THADA: variants seen among roughly 807,000 people sequenced by gnomAD.
THADA encodes the protein THADA armadillo repeat containing, also known as tRNA (32-2'-O)-methyltransferase regulator THADA.
Under a neutral mutation model 219.8 loss-of-function variants are expected in THADA, and 213 were observed. The ratio of observed to expected loss-of-function variants is 0.97; its 90% CI spans 0.87 to 1.09. The LOEUF (loss-of-function observed/expected upper bound fraction) is 1.09. Among genes scored for constraint, THADA ranks in the 50% least tolerant of loss-of-function variants. THADA has a pLI of 0.00. For synonymous variants in THADA, 1,018 were observed against 828.9 expected (o/e 1.23, Z -3.92); for missense variants, 2,956 against 2,311.3 (o/e 1.28, Z -5.72).
intron 36 of THADA, among the ~76,000 whole-genome samples, chr2:43,259,445 C>T (rs1670693126): frequency 6.6e-6 from 1 of 152,240 alleles, no homozygotes; most frequent in South Asian, 2.1e-4. Flanking sequence ...CACGTCCTGC[C>T]AGTTCACGCA....
intron 36 of THADA, among the ~76,000 whole-genome samples, chr2:43,269,411 G>C (rs749521038): frequency 7.2e-5 from 11 of 152,230 alleles, no homozygotes; most frequent in Non-Finnish European, 1.5e-4. Context: ...CCAGCAACCA[G>C]GCCCAGCCAG....
At chr2:43,452,647 A>G (rs920355949) in intron 26 of THADA, among the ~76,000 whole-genome samples, 1 of 152,142 alleles carries the variant, frequency 6.6e-6, no homozygotes, top group African/African-American at 2.4e-5. Flanking sequence ...ACTGCTGTCA[A>G]TCAGCCTGGT....
chr2:43,481,171 C>T (rs1176586223), intron 26 of THADA, among the ~76,000 whole-genome samples: 1 of 148,578 alleles, frequency 6.7e-6, no homozygotes, highest in Non-Finnish European at 1.5e-5. Context: ...GATTAGATGC[C>T]CCTTGAAGGA....
intron 8 of THADA, 54 bp from the exon 9 acceptor site, chr2:43,578,661 A>T: frequency 7.4e-7 from 1 of 1,350,236 alleles, no homozygotes; most frequent in Non-Finnish European, 1.0e-6. Flanking sequence ...ATTCTGGTAG[A>T]GTGGAAAGAG....
chr2:43,440,111 A>T (rs1680656833), intron 26 of THADA, among the ~76,000 whole-genome samples: 1 of 152,204 alleles, frequency 6.6e-6, no homozygotes, highest in Admixed American at 6.5e-5. Flanking sequence ...ACTGTGTAAT[A>T]GCATTTCAGC....
intron 22 of THADA, among the ~76,000 whole-genome samples, chr2:43,522,582 G>C (rs1240989742): frequency 2.0e-5 from 3 of 152,094 alleles, no homozygotes; most frequent in Non-Finnish European, 1.5e-5. Context: ...TAAAAAGCTG[G>C]CATAGAGGTT....
At chr2:43,577,340 C>A in intron 9 of THADA, 98 bp from the exon 10 acceptor site, 1 of 992,024 alleles carries the variant, frequency 1.0e-6, no homozygotes, top group Non-Finnish European at 1.5e-6. Context: ...CCTGAAAAAT[C>A]CTAGGAAAAA....
chr2:43,295,218 G>A (rs1009372894), intron 31 of THADA, among the ~76,000 whole-genome samples: 23 of 152,202 alleles, frequency 1.5e-4, no homozygotes, highest in African/African-American at 4.8e-4. Flanking sequence ...TCTCAAAAAC[G>A]CATACAAAGT....
chr2:43,527,027 A>G (rs1693250554), intron 22 of THADA, among the ~76,000 whole-genome samples: 1 of 152,236 alleles, frequency 6.6e-6, no homozygotes, highest in African/African-American at 2.4e-5. Context: ...AGTATCATTT[A>G]AAGACATTCT....
chr2:43,491,740 C>T (rs530222473), intron 25 of THADA, among the ~76,000 whole-genome samples: 21 of 152,150 alleles, frequency 1.4e-4, no homozygotes, highest in East Asian at 9.6e-4. Flanking sequence ...ATGATGTTCA[C>T]ACAACAATGA....
intron 25 of THADA, among the ~76,000 whole-genome samples, chr2:43,487,530 C>G (rs1412129803): frequency 6.6e-6 from 1 of 152,096 alleles, no homozygotes; most frequent in Admixed American, 6.5e-5. Flanking sequence ...TAAGATGGAC[C>G]AGACAGTTCT....
At chr2:43,374,243 G>A (rs1361315712) in intron 29 of THADA, among the ~76,000 whole-genome samples, 2 of 152,176 alleles carry the variant, frequency 1.3e-5, no homozygotes, top group South Asian at 2.1e-4. Flanking sequence ...AAACATATTA[G>A]TGCACAAAAG....
chr2:43,471,096 C>A (rs1352366547), intron 26 of THADA, among the ~76,000 whole-genome samples: 1 of 152,106 alleles, frequency 6.6e-6, no homozygotes, highest in Non-Finnish European at 1.5e-5. Flanking sequence ...CTCTAAAGGT[C>A]CGTGGTTCTC....
intron 35 of THADA, 83 bp downstream of exon 35, chr2:43,286,825 C>T: frequency 1.3e-6 from 2 of 1,513,998 alleles, no homozygotes; most frequent in Non-Finnish European, 1.8e-6. Context: ...TGCCATCTTT[C>T]ACCTTCCCTT....
chr2:43,273,521 G>C (rs1006066790), intron 36 of THADA, among the ~76,000 whole-genome samples: 1 of 152,192 alleles, frequency 6.6e-6, no homozygotes, highest in Non-Finnish European at 1.5e-5. Flanking sequence ...GATTAGGAAA[G>C]AGCCTACTGG....
intron 36 of THADA, among the ~76,000 whole-genome samples, chr2:43,259,243 G>A (rs1337661140): frequency 6.6e-6 from 1 of 152,108 alleles, no homozygotes; most frequent in African/African-American, 2.4e-5. Context: ...CTTGCTAGGG[G>A]GCCAGAAAAG....
At chr2:43,444,316 C>G (rs1240936037) in intron 26 of THADA, among the ~76,000 whole-genome samples, 1 of 152,202 alleles carries the variant, frequency 6.6e-6, no homozygotes, top group Non-Finnish European at 1.5e-5. Flanking sequence ...CTCTGTGCCT[C>G]TCCTGTGTGT....
chr2:43,404,579 T>C (rs1479078201), intron 28 of THADA, among the ~76,000 whole-genome samples: 1 of 152,112 alleles, frequency 6.6e-6, no homozygotes, highest in South Asian at 2.1e-4. Context: ...CCTACTCCAA[T>C]TGCATATTTA....
intron 29 of THADA, among the ~76,000 whole-genome samples, chr2:43,366,389 A>G (rs570933655): frequency 2.0e-5 from 3 of 152,312 alleles, no homozygotes; most frequent in African/African-American, 7.2e-5. Flanking sequence ...TGGAGTTTTC[A>G]CAGGAAGAGG....
Sources: gnomAD v4.1 joint callset for allele counts (sites outside exome capture counted in the v4.1 genomes callset) on GRCh38, gnomAD v4.1.1 for gene constraint, MANE v1.5 for transcripts, NCBI Gene and HGNC (gene_info 2026-07-23, HGNC 2026-07-21) for gene names.